CEP128: variants seen among roughly 807,000 people sequenced by gnomAD.
CEP128 encodes the protein centrosomal protein 128kDa.
In CEP128, 132 loss-of-function variants were observed where a neutral mutation model predicts 156.7. That is an observed-to-expected ratio of 0.84 (90% CI 0.73 to 0.97). The LOEUF is 0.97. Ranked by LOEUF, CEP128 falls within the 50% of genes least tolerant of loss-of-function variation. The pLI, the probability that CEP128 is intolerant of heterozygous loss-of-function variation, is 0.00. For missense variants in CEP128, 1,252 were observed against 1,281.9 expected, an observed-to-expected ratio of 0.98 and a Z score of 0.36; for synonymous variants, 469 against 448.9, an observed-to-expected ratio of 1.04 and a Z score of -0.57.
At chr14:80,829,501 C>A (rs1885667399) in intron 13 of CEP128, among the ~76,000 whole-genome samples, 1 of 152,182 alleles carries the variant, frequency 6.6e-6, no homozygotes, top group Non-Finnish European at 1.5e-5. Flanking sequence ...GCCTTGAACT[C>A]CTGGCTCAAG....
chr14:80,836,054 C>A, intron 12 of CEP128, 151 bp downstream of exon 12: 1 of 775,826 alleles, frequency 1.3e-6, no homozygotes. Flanking sequence ...GAATTATTAT[C>A]AACTTATCAG....
intron 21 of CEP128, among the ~76,000 whole-genome samples, chr14:80,543,130 T>C (rs1318968471): frequency 1.3e-5 from 2 of 152,234 alleles, no homozygotes; most frequent in African/African-American, 2.4e-5. Context: ...ATTTTTACCA[T>C]TGTGGCATTG....
At chr14:80,505,829 T>G (rs1887945540) in intron 23 of CEP128, among the ~76,000 whole-genome samples, 1 of 152,250 alleles carries the variant, frequency 6.6e-6, no homozygotes, top group Admixed American at 6.5e-5. Context: ...TTGTGGTTTT[T>G]TTCCTTCTTT....
Position 80,729,058 on chromosome 14 carries a change from G to GTGTGTGTGTGTGTGTGTGTGT in CEP128, c.2806+14016_2806+14017insACACACACACACACACACACA, listed in dbSNP as rs1344457542. Among the ~76,000 whole-genome samples, 347 of 105,042 alleles carry GTGTGTGTGTGTGTGTGTGTGT rather than the reference G, an allele frequency of 3.3e-3. 30 individuals are homozygous for GTGTGTGTGTGTGTGTGTGTGT. The highest frequency in any genetic ancestry group is 7.2e-3 in the East Asian group (23 of 3,198). The allele number at this position is 105,042 out of a possible 152,430, so 68.9% of individuals were successfully genotyped here. ...CCTAGTCCCAGGCTGGGCTGGTGGG[G>GTGTGTGTGTGTGTGTGTGTGT]GTGTGTGTGTGTGTGTGTGTGTGTG... On this transcript the variant is annotated intron_variant, in intron 19 of 24. Transcript: ENST00000555265.
At chr14:80,602,628 C>G (rs1369929903) in intron 19 of CEP128, among the ~76,000 whole-genome samples, 2 of 152,070 alleles carry the variant, frequency 1.3e-5, no homozygotes, top group African/African-American at 4.8e-5. Context: ...AAATAATTAG[C>G]CAGGCATGGT....
At chr14:80,560,347 C>T (rs573488595) in intron 20 of CEP128, among the ~76,000 whole-genome samples, 1 of 152,260 alleles carries the variant, frequency 6.6e-6, no homozygotes, top group East Asian at 1.9e-4. Flanking sequence ...ATCACTTGAA[C>T]CCAGGAATCA....
chr14:80,482,196 C>G (rs1887068259), intron 14 of CEP128, among the ~76,000 whole-genome samples: 1 of 152,094 alleles, frequency 6.6e-6, no homozygotes, highest in African/African-American at 2.4e-5. Flanking sequence ...ACTTCCTTTG[C>G]ATATTTCTGA....
intron 19 of CEP128, among the ~76,000 whole-genome samples, chr14:80,730,665 A>C (rs1898231430): frequency 6.6e-6 from 1 of 152,246 alleles, no homozygotes; most frequent in African/African-American, 2.4e-5. Flanking sequence ...CGTGGAATTT[A>C]TGTAGATGAC....
chr14:80,742,728 T>C (rs1420794905), intron 19 of CEP128: 2 of 249,178 alleles, frequency 8.0e-6, no homozygotes, highest in South Asian at 5.3e-5. Flanking sequence ...GAATAGTGTG[T>C]ACTTGAAAAT....
chr14:80,513,116 C>T (rs1888334692), intron 23 of CEP128, among the ~76,000 whole-genome samples: 2 of 152,090 alleles, frequency 1.3e-5, no homozygotes, highest in African/African-American at 4.8e-5. Context: ...CCTTTTACGT[C>T]AGACTGAAGG....
chr14:80,621,112 A>T (rs1371103716), intron 19 of CEP128, among the ~76,000 whole-genome samples: 1 of 152,184 alleles, frequency 6.6e-6, no homozygotes, highest in Admixed American at 6.5e-5. Context: ...CCATCTGCTA[A>T]ATCTGAGTGG....
intron 19 of CEP128, among the ~76,000 whole-genome samples, chr14:80,698,946 A>G (rs1896978122): frequency 6.6e-6 from 1 of 152,182 alleles, no homozygotes; most frequent in South Asian, 2.1e-4. Flanking sequence ...GAATAGCCTC[A>G]AAACAATGCC....
intron 19 of CEP128, among the ~76,000 whole-genome samples, chr14:80,627,680 TA>T (rs1262511764): frequency 3.3e-5 from 5 of 151,952 alleles, no homozygotes; most frequent in Non-Finnish European, 5.9e-5. Context: ...AATGAGATAT[TA>T]AAATACTCAG....
At chr14:80,765,538 G>A (rs936957767) in intron 16 of CEP128, among the ~76,000 whole-genome samples, 29 of 152,202 alleles carry the variant, frequency 1.9e-4, no homozygotes, top group African/African-American at 6.8e-4. Context: ...GAGGCAAAAT[G>A]TGGTATATTA....
At chr14:80,557,976 A>C (rs1251845724) in intron 21 of CEP128, among the ~76,000 whole-genome samples, 2 of 152,198 alleles carry the variant, frequency 1.3e-5, no homozygotes, top group East Asian at 3.9e-4. Flanking sequence ...ACTTTTTCAT[A>C]TATTAGCACG....
At position 80,632,861 on chromosome 14, in the gene CEP128, C is replaced by T. The variant is rs867645754; in HGVS notation, c.2807-52438G>A. ...TGTGAGTTATTTTCCAACATTCATG[C>T]ACCAGTTTATAAATACGCACTAAGA... On this transcript the variant is annotated intron_variant, in intron 19 of 24. Coordinates refer to ENST00000555265, the MANE Select transcript of CEP128 (RefSeq NM_152446.5). Among the ~76,000 whole-genome samples the T allele has an allele frequency of 4.3e-4, 65 of 152,224 alleles. No individual in the cohort carries two copies. In the Middle Eastern group the frequency reaches 0.014, roughly 32 times the overall value.
intron 19 of CEP128, among the ~76,000 whole-genome samples, chr14:80,601,893 T>C (rs778113949): frequency 1.6e-4 from 24 of 152,142 alleles, no homozygotes; most frequent in Non-Finnish European, 1.5e-5. Flanking sequence ...TGTAATTACA[T>C]TAAATATAAA....
intron 2 of CEP128, among the ~76,000 whole-genome samples, chr14:80,922,984 G>A (rs2139541234): frequency 6.6e-6 from 1 of 152,308 alleles, no homozygotes; most frequent in African/African-American, 2.4e-5. Context: ...TAACAAGAAA[G>A]CAACAATATT....
chr14:80,782,464 C>G (rs1239541884), intron 15 of CEP128, among the ~76,000 whole-genome samples: 2 of 152,188 alleles, frequency 1.3e-5, no homozygotes, highest in African/African-American at 4.8e-5. Context: ...ACTTTACACG[C>G]TCCTAGACTA....
Sources: allele counts gnomAD v4.1 joint callset (sites outside exome capture counted in the v4.1 genomes callset), GRCh38; gene constraint gnomAD v4.1.1; transcripts MANE v1.5; gene names NCBI Gene and HGNC (gene_info 2026-07-23, HGNC 2026-07-21).